DERL2: variants seen among roughly 807,000 people sequenced by gnomAD.
DERL2 encodes derlin-2.
DERL2 carries 13 observed loss-of-function variants against 32.0 expected under a neutral mutation model. The ratio of observed to expected loss-of-function variants is 0.41; its 90% CI spans 0.26 to 0.65. DERL2 has a LOEUF of 0.65. Ranked by LOEUF, DERL2 falls within the 30% of genes least tolerant of loss-of-function variation. The probability of loss-of-function intolerance (pLI) is 0.35; values close to 1 mark genes in which losing one functional copy is unlikely to be tolerated. For synonymous variants in DERL2, 111 were observed against 104.7 expected (o/e 1.06, Z -0.37); for missense variants, 208 against 296.3 (o/e 0.70, Z 2.19).
Position 5,481,977 on chromosome 17 carries a change from T to C in DERL2, c.234-588A>G, listed in dbSNP as rs1905820303. Reference sequence around the variant, plus strand: ...GTCCCCTATTAAACCTTTAAAAATTTGTATTGTCTTTCCTGTGCTCAGCCA... The same window carrying C: ...GTCCCCTATTAAACCTTTAAAAATTCGTATTGTCTTTCCTGTGCTCAGCCA... On this transcript the variant is annotated intron_variant, in intron 3 of 6. Transcript: ENST00000158771. The surrounding 1 kb of genome is among the most constrained non-coding windows in gnomAD (Gnocchi z 4.4). Among the ~76,000 whole-genome samples, 1 of 152,142 alleles carries C rather than the reference T, an allele frequency of 6.6e-6. No homozygotes were observed. Among genetic ancestry groups the C allele is most frequent in the African/African-American group, 2.4e-5 (1 of 41,424 alleles).
At chr17:5,484,819 T>C (rs927057398) in intron 2 of DERL2, among the ~76,000 whole-genome samples, 4 of 152,202 alleles carry the variant, frequency 2.6e-5, no homozygotes, top group African/African-American at 7.2e-5. Flanking sequence ...TAGGACAACG[T>C]TAAGTCTAAA....
In DERL2 at chr17:5,474,809, T is replaced by C. The variant is rs373835634; in HGVS notation, c.615-20A>G. On this transcript the variant is annotated intron_variant, in intron 6 of 6. Transcript: ENST00000158771. This position sits in a 1 kb window ranked among gnomAD's most constrained non-coding sequence, Gnocchi z 4.3. Reference sequence around the variant, plus strand: ...GCTTTCCTAAAAGACAAGCAACAGATATAATTTGGTCCCAGAGTCATCTCA... The same window carrying C: ...GCTTTCCTAAAAGACAAGCAACAGACATAATTTGGTCCCAGAGTCATCTCA... 5.6e-6 allele frequency: 9 copies of C among 1,602,894 alleles called. No individual in the cohort carries two copies. Among genetic ancestry groups the C allele is most frequent in the Non-Finnish European group, 6.8e-6 (8 of 1,171,080 alleles).
At chr17:5,486,430 G>A, upstream of DERL2, 1 of 369,696 alleles carries the variant, frequency 2.7e-6, no homozygotes, top group Non-Finnish European at 4.8e-6. Flanking sequence ...AGTAAGTACA[G>A]GTTCCTTCTG....
intron 6 of DERL2, among the ~76,000 whole-genome samples, chr17:5,477,393 C>T (rs1905462368): frequency 6.6e-6 from 1 of 152,142 alleles, no homozygotes; most frequent in Non-Finnish European, 1.5e-5. Flanking sequence ...AGGGAACTTT[C>T]TGGTTGATGG....
chr17:5,479,001 G>C (rs1905580963), intron 6 of DERL2, among the ~76,000 whole-genome samples: 1 of 152,228 alleles, frequency 6.6e-6, no homozygotes, highest in Non-Finnish European at 1.5e-5. Context: ...GGGATTTTTT[G>C]TAGAGATGGG....
intron 4 of DERL2, 131 bp from the exon 5 acceptor site, chr17:5,480,713 AG>A (rs1386099336): frequency 1.3e-6 from 1 of 767,004 alleles, no homozygotes; most frequent in Non-Finnish European, 1.9e-6. Context: ...TTAGAATAGA[AG>A]GAGAAACACC....
At position 5,486,167 on chromosome 17, in the gene DERL2, C is replaced by A; in HGVS notation, c.-6G>T. The A allele has an allele frequency of 6.3e-7, 1 of 1,591,166 alleles. No individual in the cohort carries two copies. ...CGCAAGCTCTGGTACGCCATCTTCC[C>A]CACCGTCGCCTGCCCCACCCCCCAC... On this transcript the variant is annotated 5_prime_UTR_variant, in exon 1 of 7. Coordinates refer to ENST00000158771, the MANE Select transcript of DERL2 (RefSeq NM_016041.5).
intron 2 of DERL2, among the ~76,000 whole-genome samples, 194 bp from the exon 3 acceptor site, chr17:5,483,076 G>A (rs1411224333): frequency 1.3e-5 from 2 of 152,112 alleles, no homozygotes; most frequent in Non-Finnish European, 2.9e-5. Flanking sequence ...TTAGTTCAAA[G>A]TCTGAAAGAC....
In DERL2 at chr17:5,486,108, G is replaced by C; in HGVS notation, c.54C>G (p.Arg18=). 1 of 1,610,488 alleles carries C rather than the reference G, an allele frequency of 6.2e-7. No individual in the cohort carries two copies. The highest frequency in any genetic ancestry group is 1.1e-5 in the South Asian group (1 of 90,778). The change falls in exon 1 of 7, where the codon CGC becomes CGG. Residue 18 remains arginine, a synonymous_variant. Coordinates refer to ENST00000158771, the MANE Select transcript of DERL2 (RefSeq NM_016041.5). ...LEYLQIPPVS[R]AYTTACVLTT... is the part of the protein sequence containing the mutation. ...TGAGGACGCAGGCAGTGGTGTAGGC[G>C]CGGCTGACCGGTGGGATCTGCAGGT... is the stretch of plus-strand genomic sequence containing the variant.
chr17:5,480,078 C>T lies in DERL2; in HGVS notation c.590G>A (p.Arg197Lys), dbSNP rs142346603. The T allele has an allele frequency of 2.5e-6, 4 of 1,608,438 alleles. No homozygotes were observed. The African/African-American group carries it at 5.3e-5, about 22-fold the overall frequency. The change falls in exon 6 of 7, where the codon AGA (arginine) becomes AAA (lysine). Residue 197 changes from arginine to lysine, a missense_variant. This residue lies in a region of DERL2 where 124 missense variants were observed against 215.3 expected (regional missense o/e 0.58). Coordinates refer to ENST00000158771, the MANE Select transcript of DERL2 (RefSeq NM_016041.5). ...DVFPNQPGGI[R>K]ILKTPSILKA... ...CAAAATAGATGGTGTTTTCAGAATT[C>T]TTATTCCACCAGGTTGATTGGGAAA...
intron 6 of DERL2, among the ~76,000 whole-genome samples, chr17:5,478,669 T>C (rs1162522098): frequency 6.6e-6 from 1 of 152,174 alleles, no homozygotes; most frequent in African/African-American, 2.4e-5. Flanking sequence ...ACCACTCCAA[T>C]TACAGAAGAG....
intron 5 of DERL2, 41 bp downstream of exon 5, chr17:5,480,346 T>C: frequency 6.4e-7 from 1 of 1,561,946 alleles, no homozygotes; most frequent in South Asian, 1.2e-5. Flanking sequence ...AAAATACTTT[T>C]ACAGGTAAAA....
At position 5,481,294 on chromosome 17, in the gene DERL2, A is replaced by G; in HGVS notation, c.327+2T>C. On this transcript the variant is annotated splice_donor_variant, in intron 4 of 6. Transcript: ENST00000158771. LOFTEE classifies it high-confidence loss of function. This position sits in a 1 kb window ranked among gnomAD's most constrained non-coding sequence, Gnocchi z 4.4. ...TTTCCCGTGTTGTTTGTTGAAGGAT[A>G]CGGTCATTAAGAATCCACCAAAAAG... The G allele has an allele frequency of 2.5e-6, 4 of 1,608,780 alleles. No homozygotes were observed. Among genetic ancestry groups the G allele is most frequent in the Non-Finnish European group, 3.4e-6 (4 of 1,175,086 alleles).
At chr17:5,479,195 C>G (rs918000526) in intron 6 of DERL2, among the ~76,000 whole-genome samples, 1 of 152,190 alleles carries the variant, frequency 6.6e-6, no homozygotes, top group African/African-American at 2.4e-5. Flanking sequence ...ATAGTGTATG[C>G]AGCCTTGCCT....
intron 4 of DERL2, 139 bp from the exon 5 acceptor site, chr17:5,480,721 C>T (rs1905720952): frequency 1.4e-6 from 1 of 713,632 alleles, no homozygotes; most frequent in Non-Finnish European, 2.1e-6. Flanking sequence ...GAAGGAGAAA[C>T]ACCCAGAAAA....
chr17:5,472,699 T>C lies in DERL2; in HGVS notation c.*1985A>G, dbSNP rs747156740. 1 of 151,882 alleles carries C rather than the reference T, an allele frequency of 6.6e-6. No homozygotes were observed. Among genetic ancestry groups the C allele is most frequent in the Non-Finnish European group, 1.5e-5 (1 of 68,006 alleles). 9.4% of individuals were successfully genotyped at this position (151,882 alleles called of 1,614,324 possible). ...TAGGATTAGTATTTTACCACAAAAA[T>C]GCCATTCATTGCATAACTCCAACTC... is the stretch of plus-strand genomic sequence containing the variant. On this transcript the variant is annotated 3_prime_UTR_variant, in exon 7 of 7. Transcript: ENST00000158771.
At chr17:5,479,492 C>G (rs1382408783) in intron 6 of DERL2, among the ~76,000 whole-genome samples, 1 of 94,232 alleles carries the variant, frequency 1.1e-5, no homozygotes, top group African/African-American at 4.8e-5. Flanking sequence ...AGTGAGACTC[C>G]ATGTAAAAAA....
chr17:5,475,806 C>G (rs1014681553), intron 6 of DERL2, among the ~76,000 whole-genome samples: 1 of 152,056 alleles, frequency 6.6e-6, no homozygotes, highest in Non-Finnish European at 1.5e-5. Flanking sequence ...GAGGACTTTA[C>G]GCTAAATGAA....
rs754461873 is a variant in DERL2 at position 5,471,992 on chromosome 17, G to C, written c.*2692C>G. On this transcript the variant is annotated 3_prime_UTR_variant, in exon 7 of 7. Transcript: ENST00000158771. ...CTTCTAGAGACTACACAAGAGGTAT[G>C]AAAGATATGAGGACATACAAGAGTG... The C allele has an allele frequency of 1.3e-5, 2 of 152,102 alleles. No individual in the cohort carries two copies. The highest frequency in any genetic ancestry group is 2.9e-5 in the Non-Finnish European group (2 of 68,028). 9.4% of individuals were successfully genotyped at this position (152,102 alleles called of 1,614,324 possible). A position where few individuals can be genotyped will look rare whatever the true frequency, so the allele number is the denominator to read the frequency against.
Sources: gnomAD v4.1 joint callset for allele counts (sites outside exome capture counted in the v4.1 genomes callset) on GRCh38, gnomAD v4.1.1 for gene constraint, gnomAD v4.1.1 regional missense constraint, Gnocchi (gnomAD v3.1) non-coding constraint, MANE v1.5 for transcripts, NCBI Gene and HGNC (gene_info 2026-07-23, HGNC 2026-07-21) for gene names.